Variants in PTPRO observed in about 807,000 individuals in gnomAD.
PTPRO encodes receptor-type tyrosine-protein phosphatase O.
A neutral mutation model predicts 145.2 loss-of-function variants in PTPRO; 62 were observed. That is an observed-to-expected ratio of 0.43 (90% confidence interval 0.35 to 0.53). The LOEUF is 0.53. Among genes scored for constraint, PTPRO ranks in the 20% least tolerant of loss-of-function variants. The pLI is 0.01. For synonymous variants in PTPRO, 565 were observed against 514.7 expected (o/e 1.10, Z -1.32); for missense variants, 1,345 against 1,482.7 (o/e 0.91, Z 1.53).
intron 7 of PTPRO, among the ~76,000 whole-genome samples, chr12:15,513,163 AAG>A (rs1942492762): frequency 1.5e-4 from 5 of 34,146 alleles, no homozygotes; most frequent in East Asian, 4.7e-4. Flanking sequence ...AAGAAAAAGA[AAG>A]AAAGAAAGAA....
At chr12:15,527,323 C>T (rs1041676025) in intron 12 of PTPRO, among the ~76,000 whole-genome samples, 3 of 152,234 alleles carry the variant, frequency 2.0e-5, no homozygotes, top group Non-Finnish European at 4.4e-5. Flanking sequence ...CATGTTTCTA[C>T]ACTGGAAAAA....
At chr12:15,403,923 C>T (rs908435843) in intron 1 of PTPRO, among the ~76,000 whole-genome samples, 2 of 151,822 alleles carry the variant, frequency 1.3e-5, no homozygotes, top group South Asian at 2.1e-4. Flanking sequence ...TAGGGCCAGG[C>T]ACTGTGGCTC....
At chr12:15,401,006 C>T (rs1490660794) in intron 1 of PTPRO, among the ~76,000 whole-genome samples, 2 of 152,122 alleles carry the variant, frequency 1.3e-5, no homozygotes, top group Non-Finnish European at 2.9e-5. Flanking sequence ...AGTGTTTTCG[C>T]TTTTTTGTTT....
At chr12:15,584,271 T>C (rs1944385033) in intron 23 of PTPRO, among the ~76,000 whole-genome samples, 1 of 152,268 alleles carries the variant, frequency 6.6e-6, no homozygotes, top group African/African-American at 2.4e-5. Flanking sequence ...AGACTTTCCG[T>C]CAGAGAAAAT....
At chr12:15,380,721 T>C (rs932053554) in intron 1 of PTPRO, among the ~76,000 whole-genome samples, 4 of 152,126 alleles carry the variant, frequency 2.6e-5, no homozygotes, top group African/African-American at 9.7e-5. Context: ...ACTAAGCAAA[T>C]ACGTAACCTC....
At chr12:15,342,777 A>G (rs925563991) in intron 1 of PTPRO, among the ~76,000 whole-genome samples, 8 of 152,318 alleles carry the variant, frequency 5.3e-5, no homozygotes, top group African/African-American at 1.9e-4. Flanking sequence ...CATGCCTTGA[A>G]AACTAAGCCT....
intron 7 of PTPRO, 61 bp from the exon 8 acceptor site, chr12:15,515,437 C>T (rs1054061572): frequency 9.4e-6 from 15 of 1,592,574 alleles, no homozygotes; most frequent in African/African-American, 4.0e-5. Flanking sequence ...TTATACCAGC[C>T]TCTGTGTAAC....
At chr12:15,516,651 T>C in intron 8 of PTPRO, 112 bp from the exon 9 acceptor site, 1 of 801,714 alleles carries the variant, frequency 1.2e-6, no homozygotes. Context: ...GGGAGGGAGG[T>C]AGGTATTGTA....
intron 1 of PTPRO, among the ~76,000 whole-genome samples, chr12:15,382,887 A>T (rs1938907300): frequency 6.6e-6 from 1 of 152,228 alleles, no homozygotes; most frequent in Non-Finnish European, 1.5e-5. Flanking sequence ...ATGGTTTGAT[A>T]CACATATACA....
Position 15,516,919 on chromosome 12 carries a change from A to G in PTPRO, c.1742A>G (p.Tyr581Cys), listed in dbSNP as rs975135157. 1.9e-6 allele frequency: 3 copies of G among 1,614,010 alleles called. No homozygotes were observed. Among genetic ancestry groups the G allele is most frequent in the Admixed American group, 1.7e-5 (1 of 60,028 alleles). Residue 581 changes from tyrosine to cysteine, a missense_variant, in exon 9 of 27, where the codon TAT becomes TGT. This residue lies in a region of PTPRO where 1,130 missense variants were observed against 1,214.7 expected (regional missense o/e 0.93). Coordinates refer to ENST00000281171, the MANE Select transcript of PTPRO (RefSeq NM_030667.3). ...ATMTSEWTTY[Y>C]EIAATVSLTA... ...ATGACATCAGAGTGGACCACCTACT[A>G]TGAAATAGCAGCAACTGTTTCCTTA...
At position 15,579,033 on chromosome 12, in the gene PTPRO, A is replaced by G. The variant is rs565916258; in HGVS notation, c.2920+90A>G. 5.9e-6 allele frequency: 7 copies of G among 1,192,696 alleles called. No homozygotes were observed. The South Asian group carries it at 7.5e-5, about 13-fold the overall frequency. The allele number at this position is 1,192,696 out of a possible 1,614,324, so 73.9% of individuals were successfully genotyped here. ...TAATCAATTTCACCAATCTCTGGCCATACCCACTTGTGGTCCGGATCTCAA... is the reference window on the plus strand; with the variant it reads ...TAATCAATTTCACCAATCTCTGGCCGTACCCACTTGTGGTCCGGATCTCAA... On this transcript the variant is annotated intron_variant, in intron 20 of 26. Transcript: ENST00000281171.
chr12:15,552,639 G>A (rs1943495524), intron 15 of PTPRO, among the ~76,000 whole-genome samples: 2 of 152,038 alleles, frequency 1.3e-5, no homozygotes, highest in African/African-American at 4.8e-5. Context: ...TTAAAAACAG[G>A]ATGCCATGAA....
At chr12:15,435,158 G>C (rs958292391) in intron 1 of PTPRO, among the ~76,000 whole-genome samples, 2 of 152,122 alleles carry the variant, frequency 1.3e-5, no homozygotes, top group Non-Finnish European at 2.9e-5. Context: ...CAAGAGGCTG[G>C]TATAGGGTAA....
intron 12 of PTPRO, among the ~76,000 whole-genome samples, chr12:15,539,235 C>T (rs1208161409): frequency 6.6e-6 from 1 of 151,956 alleles, no homozygotes; most frequent in Non-Finnish European, 1.5e-5. Context: ...AATGAATACC[C>T]TGAAAGACCT....
At chr12:15,583,500 A>AC (rs1482517978) in intron 23 of PTPRO, among the ~76,000 whole-genome samples, 4 of 141,702 alleles carry the variant, frequency 2.8e-5, no homozygotes, top group East Asian at 4.4e-4. Flanking sequence ...CACACACACA[A>AC]AAAAAATCAA....
At chr12:15,487,032 T>C (rs951728774) in intron 2 of PTPRO, among the ~76,000 whole-genome samples, 3 of 152,064 alleles carry the variant, frequency 2.0e-5, no homozygotes, top group African/African-American at 7.2e-5. Context: ...TATTTCTCAG[T>C]GTTTCAGTTT....
intron 1 of PTPRO, among the ~76,000 whole-genome samples, chr12:15,459,033 G>A (rs1042037130): frequency 6.6e-6 from 1 of 152,114 alleles, no homozygotes; most frequent in African/African-American, 2.4e-5. Context: ...AAATCTGTAT[G>A]CTAGGCAAAA....
At chr12:15,360,861 T>TACACAC (rs1938165937) in intron 1 of PTPRO, among the ~76,000 whole-genome samples, 4 of 128,142 alleles carry the variant, frequency 3.1e-5, no homozygotes, top group South Asian at 2.6e-4. Flanking sequence ...TGTGTGTGTA[T>TACACAC]ATATGTGTGT....
At chr12:15,515,102 T>C (rs918062652) in intron 7 of PTPRO, among the ~76,000 whole-genome samples, 1 of 152,188 alleles carries the variant, frequency 6.6e-6, no homozygotes. Context: ...TATATGCTTC[T>C]AAGTGACAAG....
Sources: allele counts gnomAD v4.1 joint callset (sites outside exome capture counted in the v4.1 genomes callset), GRCh38; gene constraint gnomAD v4.1.1; regional missense constraint gnomAD v4.1.1; transcripts MANE v1.5; gene names NCBI Gene and HGNC (gene_info 2026-07-23, HGNC 2026-07-21).